The following ANAPC10 variants were observed in gnomAD, a reference collection of about 807,000 sequenced individuals.
ANAPC10 encodes anaphase-promoting complex subunit 10.
Under a neutral mutation model 22.0 loss-of-function variants are expected in ANAPC10, and 12 were observed. The observed-to-expected ratio is 0.55, with a 90% CI of 0.35 to 0.88. ANAPC10 has a LOEUF of 0.88. ANAPC10 is among the 40% of genes least tolerant of loss of function. The pLI is 0.01. For missense variants in ANAPC10, 188 were observed against 220.9 expected (o/e 0.85, Z 0.94); for synonymous variants, 65 against 69.5 (o/e 0.94, Z 0.32).
intron 4 of ANAPC10, among the ~76,000 whole-genome samples, chr4:145,022,646 T>C (rs925734301): frequency 8.6e-5 from 13 of 151,896 alleles, no homozygotes; most frequent in Admixed American, 2.6e-4. Flanking sequence ...TCCAATAACC[T>C]ATGGAAAATT....
chr4:145,078,192 A>G (rs994679387), intron 3 of ANAPC10, among the ~76,000 whole-genome samples: 1 of 152,198 alleles, frequency 6.6e-6, no homozygotes, highest in Non-Finnish European at 1.5e-5. Flanking sequence ...TACAAAATCA[A>G]TATACAAAAA....
At chr4:145,078,832 G>C (rs1342478862) in intron 3 of ANAPC10, among the ~76,000 whole-genome samples, 1 of 152,138 alleles carries the variant, frequency 6.6e-6, no homozygotes, top group Non-Finnish European at 1.5e-5. Flanking sequence ...ATACGCAGAA[G>C]ATTGAAATCA....
intron 4 of ANAPC10, among the ~76,000 whole-genome samples, chr4:145,012,174 G>GTATA (rs201493778): frequency 0.023 from 3,092 of 133,330 alleles, 87 homozygotes; most frequent in East Asian, 0.087. Flanking sequence ...ATGTGTGTGT[G>GTATA]TGTATATATA....
chr4:145,050,842 G>C (rs1320890491), intron 4 of ANAPC10, among the ~76,000 whole-genome samples: 3 of 152,322 alleles, frequency 2.0e-5, no homozygotes, highest in Admixed American at 6.5e-5. Flanking sequence ...TGGCTTAAGG[G>C]AATGTTGTAG....
At chr4:145,010,753 A>G (rs1334522435) in intron 4 of ANAPC10, among the ~76,000 whole-genome samples, 3 of 152,196 alleles carry the variant, frequency 2.0e-5, no homozygotes, top group Admixed American at 2.0e-4. Context: ...CAGCACACCA[A>G]CATGGCACAT....
chr4:145,078,834 T>C (rs1018552952), intron 3 of ANAPC10, among the ~76,000 whole-genome samples: 16 of 152,120 alleles, frequency 1.1e-4, no homozygotes, highest in African/African-American at 3.1e-4. Context: ...ACGCAGAAGA[T>C]TGAAATCAGA....
chr4:145,009,139 G>A (rs1195210600), intron 4 of ANAPC10, among the ~76,000 whole-genome samples: 1 of 151,962 alleles, frequency 6.6e-6, no homozygotes, highest in East Asian at 1.9e-4. Flanking sequence ...GGATGTGAAG[G>A]ACCTCTTCAG....
At chr4:145,079,420 A>T (rs1439462970) in intron 3 of ANAPC10, among the ~76,000 whole-genome samples, 1 of 152,272 alleles carries the variant, frequency 6.6e-6, no homozygotes, top group Non-Finnish European at 1.5e-5. Flanking sequence ...ATACTTATAC[A>T]CTGCTGGTGG....
chr4:145,053,101 T>A (rs1741378067), intron 4 of ANAPC10, among the ~76,000 whole-genome samples: 1 of 152,162 alleles, frequency 6.6e-6, no homozygotes, highest in African/African-American at 2.4e-5. Context: ...ATTTTCAATA[T>A]GAGGGACTTG....
At chr4:145,060,622 C>T (rs577493283) in intron 4 of ANAPC10, among the ~76,000 whole-genome samples, 65 of 151,824 alleles carry the variant, frequency 4.3e-4, no homozygotes, top group Non-Finnish European at 8.7e-4. Flanking sequence ...ACACACTACA[C>T]TACACCCTCC....
chr4:145,072,287 A>C (rs1254706778), intron 3 of ANAPC10, among the ~76,000 whole-genome samples: 1 of 152,198 alleles, frequency 6.6e-6, no homozygotes, highest in Admixed American at 6.5e-5. Context: ...TTAAAACACA[A>C]TGAGATATAA....
intron 4 of ANAPC10, among the ~76,000 whole-genome samples, chr4:145,018,638 A>T (rs1278385021): frequency 6.6e-6 from 1 of 152,030 alleles, no homozygotes; most frequent in Non-Finnish European, 1.5e-5. Flanking sequence ...CTCCATCTCA[A>T]AATCTCGAAA....
At chr4:145,054,453 G>A (rs186906797) in intron 4 of ANAPC10, among the ~76,000 whole-genome samples, 615 of 151,316 alleles carry the variant, frequency 4.1e-3, no homozygotes, top group Admixed American at 9.2e-3. Context: ...AGCTACTTGG[G>A]AGGCTGAGGC....
At chr4:145,001,059 A>T (rs1192122272) in intron 4 of ANAPC10, among the ~76,000 whole-genome samples, 1 of 152,094 alleles carries the variant, frequency 6.6e-6, no homozygotes, top group Non-Finnish European at 1.5e-5. Context: ...GGGGAGGGAT[A>T]GCATTAGGAG....
chr4:145,017,707 C>T (rs1423473821), intron 4 of ANAPC10, among the ~76,000 whole-genome samples: 4 of 152,130 alleles, frequency 2.6e-5, no homozygotes, highest in African/African-American at 9.7e-5. Flanking sequence ...ATAGCAAAGA[C>T]TTGGAACCAA....
At chr4:145,008,272 T>C (rs969583029) in intron 4 of ANAPC10, among the ~76,000 whole-genome samples, 1 of 152,174 alleles carries the variant, frequency 6.6e-6, no homozygotes, top group Non-Finnish European at 1.5e-5. Context: ...GAGGAGCTGG[T>C]ACCATTCCTT....
chr4:145,054,638 TGTGCGC>T (rs1200437931), intron 4 of ANAPC10, among the ~76,000 whole-genome samples: 74 of 65,490 alleles, frequency 1.1e-3, no homozygotes, highest in African/African-American at 1.5e-3. Context: ...TGTGTGTGTG[TGTGCGC>T]GCGCGCGCGC....
intron 1 of ANAPC10, among the ~76,000 whole-genome samples, chr4:145,096,686 T>C (rs545768360): frequency 1.3e-5 from 2 of 152,196 alleles, no homozygotes; most frequent in African/African-American, 4.8e-5. Context: ...ATTCTAGGAA[T>C]ATATAAATAT....
intron 2 of ANAPC10, among the ~76,000 whole-genome samples, chr4:145,084,136 A>G (rs890335152): frequency 2.6e-5 from 4 of 152,190 alleles, no homozygotes; most frequent in Non-Finnish European, 5.9e-5. Flanking sequence ...ACATTCAGTC[A>G]CTATTATGGA....
Sources: allele counts gnomAD v4.1 joint callset (sites outside exome capture counted in the v4.1 genomes callset), GRCh38; gene constraint gnomAD v4.1.1; transcripts MANE v1.5; gene names NCBI Gene and HGNC (gene_info 2026-07-23, HGNC 2026-07-21).